Variants in ZDHHC14 observed in about 807,000 individuals in gnomAD.
ZDHHC14 encodes palmitoyltransferase ZDHHC14.
Under a neutral mutation model 47.7 loss-of-function variants are expected in ZDHHC14, and 16 were observed. The ratio of observed to expected loss-of-function variants is 0.34; its 90% CI spans 0.23 to 0.51. ZDHHC14 has a LOEUF of 0.51. Among genes scored for constraint, ZDHHC14 ranks in the 20% least tolerant of loss-of-function variants. ZDHHC14 has a pLI of 0.97. For synonymous variants in ZDHHC14, 293 were observed against 278.9 expected, an observed-to-expected ratio of 1.05 and a Z score of -0.50; for missense variants, 515 against 662.5, an observed-to-expected ratio of 0.78 and a Z score of 2.44.
intron 1 of ZDHHC14, among the ~76,000 whole-genome samples, chr6:157,456,869 C>G (rs753974561): frequency 6.6e-6 from 1 of 151,992 alleles, no homozygotes; most frequent in African/African-American, 2.4e-5. Flanking sequence ...AGTTGTGGGC[C>G]GGGCGTGGTG....
chr6:157,547,261 C>T (rs28399681), intron 2 of ZDHHC14, among the ~76,000 whole-genome samples: 101,535 of 152,116 alleles, frequency 0.67, 34,730 homozygotes, highest in African/African-American at 0.83. Flanking sequence ...TCGGTCATCA[C>T]CCAATAAACT....
chr6:157,521,734 G>C (rs1294460994), intron 1 of ZDHHC14, among the ~76,000 whole-genome samples: 1 of 152,236 alleles, frequency 6.6e-6, no homozygotes, highest in Non-Finnish European at 1.5e-5. Context: ...TCTTTGGTGT[G>C]AGGAGAGGCT....
At chr6:157,645,597 G>A (rs1777490402) in intron 5 of ZDHHC14, 140 bp from the exon 6 acceptor site, 3 of 635,788 alleles carry the variant, frequency 4.7e-6, no homozygotes, top group Admixed American at 2.9e-5. Flanking sequence ...GGAAGAGCAG[G>A]AAGCAAGGCA....
At chr6:157,414,717 C>T (rs1044800842) in intron 1 of ZDHHC14, among the ~76,000 whole-genome samples, 5 of 151,948 alleles carry the variant, frequency 3.3e-5, no homozygotes, top group East Asian at 3.9e-4. Context: ...ATTCAGTGTC[C>T]ATATCGTACA....
intron 2 of ZDHHC14, among the ~76,000 whole-genome samples, chr6:157,547,078 G>T (rs914778806): frequency 2.6e-5 from 4 of 152,324 alleles, no homozygotes; most frequent in Non-Finnish European, 4.4e-5. Context: ...ATTCACTTGC[G>T]TTGTGGCAGA....
At chr6:157,513,162 G>A (rs780606873) in intron 1 of ZDHHC14, among the ~76,000 whole-genome samples, 1 of 152,372 alleles carries the variant, frequency 6.6e-6, no homozygotes, top group Non-Finnish European at 1.5e-5. Context: ...GGCTCAGCTT[G>A]TTCGTGACGT....
intron 1 of ZDHHC14, among the ~76,000 whole-genome samples, chr6:157,412,460 T>C (rs1183338028): frequency 6.6e-6 from 1 of 151,940 alleles, no homozygotes; most frequent in East Asian, 1.9e-4. Context: ...GTCTGGCTAA[T>C]TTTTATATTT....
At chr6:157,656,711 A>AC (rs1372627423) in intron 8 of ZDHHC14, among the ~76,000 whole-genome samples, 5 of 91,402 alleles carry the variant, frequency 5.5e-5, no homozygotes, top group South Asian at 4.2e-4. Context: ...GATACCAAAA[A>AC]AAAAAAACAA....
intron 1 of ZDHHC14, among the ~76,000 whole-genome samples, chr6:157,479,352 T>G (rs1351351447): frequency 6.6e-6 from 1 of 152,232 alleles, no homozygotes; most frequent in Admixed American, 6.5e-5. Context: ...TCTTAAGGTT[T>G]TTTTTACTGT....
intron 3 of ZDHHC14, among the ~76,000 whole-genome samples, chr6:157,615,406 C>T (rs1189237365): frequency 6.6e-6 from 1 of 152,206 alleles, no homozygotes. Context: ...GGTCTGTAAG[C>T]GCCCCTGTTC....
In ZDHHC14 at chr6:157,425,137, G is replaced by A. The variant is rs141688221; in HGVS notation, c.245+42871G>A. Among the ~76,000 whole-genome samples the A allele has an allele frequency of 1.5e-3, 223 of 152,246 alleles. 1 individual carries two copies. Among genetic ancestry groups the A allele is most frequent in the Middle Eastern group, 3.4e-3 (1 of 294 alleles). ...CAGGAATGGACATCAAGTTTTCTGC[G>A]TCCCTCAGGTTAATTTAAATTCTCT... is the stretch of plus-strand genomic sequence containing the variant. On this transcript the variant is annotated intron_variant, in intron 1 of 8. Transcript: ENST00000359775.
chr6:157,663,921 C>A (rs141234896), intron 8 of ZDHHC14, among the ~76,000 whole-genome samples: 1 of 152,174 alleles, frequency 6.6e-6, no homozygotes. Context: ...TTAACAAAAC[C>A]GGAGGAGGGA....
At chr6:157,645,920 C>G (rs1777528877) in intron 6 of ZDHHC14, 81 bp downstream of exon 6, 1 of 1,213,308 alleles carries the variant, frequency 8.2e-7, no homozygotes, top group Non-Finnish European at 1.2e-6. Context: ...AAAGGTTGAG[C>G]CCAGCTTTTC....
chr6:157,562,426 C>T (rs17543754), intron 2 of ZDHHC14, among the ~76,000 whole-genome samples: 7,746 of 152,242 alleles, frequency 0.051, 230 homozygotes, highest in Admixed American at 0.069. Context: ...TGCCTTGTTC[C>T]GCTGTCCCTG....
At chr6:157,436,036 T>G (rs528224256) in intron 1 of ZDHHC14, among the ~76,000 whole-genome samples, 15 of 152,172 alleles carry the variant, frequency 9.9e-5, no homozygotes, top group African/African-American at 3.6e-4. Context: ...GACTGGTGAC[T>G]TGGGCAAGGA....
intron 7 of ZDHHC14, among the ~76,000 whole-genome samples, chr6:157,653,316 G>A (rs1292193137): frequency 6.6e-6 from 1 of 152,148 alleles, no homozygotes; most frequent in African/African-American, 2.4e-5. Context: ...CTGGCGAGGA[G>A]GCAGGCCATG....
At chr6:157,660,484 C>T (rs9365240) in intron 8 of ZDHHC14, among the ~76,000 whole-genome samples, 9 of 152,050 alleles carry the variant, frequency 5.9e-5, no homozygotes, top group South Asian at 2.1e-4. Flanking sequence ...TGAACCACTG[C>T]GCCTGGCCCC....
intron 1 of ZDHHC14, among the ~76,000 whole-genome samples, chr6:157,522,593 G>T (rs1045402914): frequency 6.6e-6 from 1 of 151,834 alleles, no homozygotes; most frequent in African/African-American, 2.4e-5. Context: ...AGTGGTATGG[G>T]TTGGTCCCCA....
intron 1 of ZDHHC14, among the ~76,000 whole-genome samples, chr6:157,441,798 A>G (rs1392753821): frequency 6.6e-6 from 1 of 152,214 alleles, no homozygotes. Flanking sequence ...AGATTGTGCC[A>G]CAGCACTCTA....
Sources: allele counts gnomAD v4.1 joint callset (sites outside exome capture counted in the v4.1 genomes callset), GRCh38; gene constraint gnomAD v4.1.1; transcripts MANE v1.5; gene names NCBI Gene and HGNC (gene_info 2026-07-23, HGNC 2026-07-21).